Variants in RYR2 observed in about 807,000 individuals in gnomAD.
RYR2 encodes cardiac muscle ryanodine receptor-calcium release channel.
RYR2 carries 227 observed loss-of-function variants against 601.1 expected under a neutral mutation model. The ratio of observed to expected loss-of-function variants is 0.38; its 90% CI spans 0.34 to 0.42. The LOEUF (loss-of-function observed/expected upper bound fraction) is 0.42, where lower values mean the gene tolerates loss of function less well. Ranked by LOEUF, RYR2 falls within the 10% of genes least tolerant of loss-of-function variation. RYR2 has a pLI of 1.00. For synonymous variants in RYR2, 2,223 were observed against 2,175.1 expected, an observed-to-expected ratio of 1.02 and a Z score of -0.61; for missense variants, 4,646 against 6,156.5, an observed-to-expected ratio of 0.75 and a Z score of 8.21.
chr1:237,481,118 A>ATATATATG (rs1558892522), intron 17 of RYR2, among the ~76,000 whole-genome samples: 1 of 138,542 alleles, frequency 7.2e-6, no homozygotes, highest in Non-Finnish European at 1.5e-5. Flanking sequence ...ATATATATAT[A>ATATATATG]TATATATACA....
intron 17 of RYR2, among the ~76,000 whole-genome samples, chr1:237,483,322 A>G (rs1412265476): frequency 6.6e-6 from 1 of 152,206 alleles, no homozygotes; most frequent in African/African-American, 2.4e-5. Context: ...AATAATAGCA[A>G]ATACTTACAT....
chr1:237,423,867 A>C (rs1705843832), intron 12 of RYR2, among the ~76,000 whole-genome samples: 1 of 152,200 alleles, frequency 6.6e-6, no homozygotes, highest in Non-Finnish European at 1.5e-5. Context: ...TGGGTGATTT[A>C]TAATGAAAAG....
At chr1:237,689,438 A>G (rs956494710) in intron 63 of RYR2, among the ~76,000 whole-genome samples, 1 of 152,198 alleles carries the variant, frequency 6.6e-6, no homozygotes, top group Non-Finnish European at 1.5e-5. Flanking sequence ...ACTCCATTCT[A>G]TGGATTCTTT....
chr1:237,576,527 G>A (rs926493797), intron 29 of RYR2, among the ~76,000 whole-genome samples: 1 of 152,032 alleles, frequency 6.6e-6, no homozygotes, highest in African/African-American at 2.4e-5. Flanking sequence ...GACAAATGGG[G>A]ATCTGTAGTG....
chr1:237,783,527 T>C, intron 89 of RYR2, 148 bp from the exon 90 acceptor site: 2 of 591,410 alleles, frequency 3.4e-6, no homozygotes, highest in Non-Finnish European at 6.0e-6. Context: ...TAAACTATAG[T>C]TTATAAATAA....
intron 99 of RYR2, among the ~76,000 whole-genome samples, chr1:237,807,118 A>ATTCT (rs1482620021): frequency 6.6e-6 from 1 of 152,192 alleles, no homozygotes; most frequent in African/African-American, 2.4e-5. Flanking sequence ...TTTCAGCATG[A>ATTCT]TTCTTACATA....
At chr1:237,114,236 A>C (rs1384899115) in intron 1 of RYR2, among the ~76,000 whole-genome samples, 1 of 152,216 alleles carries the variant, frequency 6.6e-6, no homozygotes, top group Non-Finnish European at 1.5e-5. Flanking sequence ...GGTCAATATT[A>C]CTAGGATTGG....
rs771634095 is a variant in RYR2, at chr1:237,614,283, C to T, written c.5155C>T (p.Leu1719Phe). ...CCTGAGCTCCTATGCCACTGCCAGG[C>T]TCATGATGAACAACGAGTACATTGT... is the stretch of plus-strand genomic sequence containing the variant. ...IHLSSYATAR[L>F]MMNNEYIVPM... is the part of the protein sequence containing the mutation. The change falls in exon 37 of 105, where the codon CTC becomes TTC. Residue 1719 changes from leucine to phenylalanine, a missense_variant. Leu to Phe is a conservative substitution (Grantham distance 22, BLOSUM62 0). Transcript: ENST00000366574. The surrounding 1 kb of genome is among the most constrained non-coding windows in gnomAD (Gnocchi z 4.3). 2 of 1,614,026 alleles carry T rather than the reference C, an allele frequency of 1.2e-6. No homozygotes were observed. Among genetic ancestry groups the T allele is most frequent in the Non-Finnish European group, 1.7e-6 (2 of 1,179,896 alleles).
intron 48 of RYR2, 43 bp downstream of exon 48, chr1:237,643,490 A>G (rs1265600277): frequency 6.2e-7 from 1 of 1,612,328 alleles, no homozygotes; most frequent in Non-Finnish European, 8.5e-7. Flanking sequence ...AGGATGTTGG[A>G]TGACATCATG....
At position 237,417,106 on chromosome 1, in the gene RYR2, A is replaced by G. The variant is rs2150028988; in HGVS notation, c.831A>G (p.Leu277=). The G allele has an allele frequency of 1.2e-6, 2 of 1,613,540 alleles. No individual in the cohort carries two copies. Among genetic ancestry groups the G allele is most frequent in the African/African-American group, 1.3e-5 (1 of 75,036 alleles). The change falls in exon 11 of 105, where the codon CTA becomes CTG. Residue 277 remains leucine (L), a synonymous_variant. Transcript: ENST00000366574. Reference sequence around the variant, plus strand: ...TTCATGCACGTTCCCTTTGGAGACTAGAGACGCTAAGAGTTGCGTAAGTAG... The same window carrying G: ...TTCATGCACGTTCCCTTTGGAGACTGGAGACGCTAAGAGTTGCGTAAGTAG... The part of the protein sequence containing the change: ...VSVHARSLWR[L]ETLRVAWSGS...
At chr1:237,190,701 T>A (rs1041298308) in intron 1 of RYR2, among the ~76,000 whole-genome samples, 2 of 152,230 alleles carry the variant, frequency 1.3e-5, no homozygotes, top group Non-Finnish European at 2.9e-5. Flanking sequence ...TGATTTAAAG[T>A]ATACAGGAGA....
intron 12 of RYR2, among the ~76,000 whole-genome samples, chr1:237,438,839 T>A (rs181860132): frequency 6.6e-6 from 1 of 152,372 alleles, no homozygotes; most frequent in Non-Finnish European, 1.5e-5. Context: ...CTTTTCAATT[T>A]CTTCCTGCTT....
intron 80 of RYR2, among the ~76,000 whole-genome samples, chr1:237,751,948 A>G (rs551143325): frequency 1.5e-4 from 23 of 152,346 alleles, no homozygotes; most frequent in African/African-American, 5.3e-4. Context: ...CTGAAAGACA[A>G]ACTTTTAGAG....
chr1:237,718,671 T>C (rs370600783), intron 73 of RYR2, 150 bp downstream of exon 73: 17 of 427,330 alleles, frequency 4.0e-5, no homozygotes, highest in African/African-American at 3.1e-4. Context: ...GCCTTTTGTA[T>C]TAAAAATTCT....
intron 19 of RYR2, among the ~76,000 whole-genome samples, chr1:237,495,953 G>A (rs1205448797): frequency 1.3e-5 from 2 of 152,214 alleles, no homozygotes; most frequent in East Asian, 3.8e-4. Context: ...GGGTGACACT[G>A]CCAAGAAATC....
intron 39 of RYR2, among the ~76,000 whole-genome samples, chr1:237,625,212 G>T (rs1258078598): frequency 6.6e-6 from 1 of 152,066 alleles, no homozygotes; most frequent in South Asian, 2.1e-4. Context: ...AATTATGCCT[G>T]TTCTCTCTGT....
At chr1:237,126,971 G>A (rs1272522924) in intron 1 of RYR2, among the ~76,000 whole-genome samples, 1 of 151,648 alleles carries the variant, frequency 6.6e-6, no homozygotes, top group Non-Finnish European at 1.5e-5. Context: ...TTGAGATTAG[G>A]GAGTGGTGAT....
intron 1 of RYR2, among the ~76,000 whole-genome samples, chr1:237,057,965 T>G (rs1459487271): frequency 6.6e-6 from 1 of 152,200 alleles, no homozygotes; most frequent in Non-Finnish European, 1.5e-5. Context: ...TCATTAAAAT[T>G]AGAGCTCTAT....
intron 12 of RYR2, among the ~76,000 whole-genome samples, chr1:237,433,623 A>G (rs1260787741): frequency 6.6e-6 from 1 of 152,254 alleles, no homozygotes; most frequent in East Asian, 1.9e-4. Flanking sequence ...TGTTCTTTAA[A>G]ATACATATTG....
Sources: allele counts gnomAD v4.1 joint callset (sites outside exome capture counted in the v4.1 genomes callset), GRCh38; gene constraint gnomAD v4.1.1; non-coding constraint Gnocchi (gnomAD v3.1); transcripts MANE v1.5; gene names NCBI Gene and HGNC (gene_info 2026-07-23, HGNC 2026-07-21).